PANK4: variants seen among roughly 807,000 people sequenced by gnomAD.
The protein encoded by PANK4 is 4'-phosphopantetheine phosphatase.
PANK4 carries 40 observed loss-of-function variants against 87.9 expected under a neutral mutation model. The observed-to-expected ratio is 0.46, with a 90% CI of 0.35 to 0.59. The LOEUF (loss-of-function observed/expected upper bound fraction) is 0.59, where lower values mean the gene tolerates loss of function less well. PANK4 is among the 20% of genes least tolerant of loss of function. The pLI, the probability that PANK4 is intolerant of heterozygous loss-of-function variation, is 0.00. For synonymous variants in PANK4, 524 were observed against 467.4 expected (o/e 1.12, Z -1.56); for missense variants, 926 against 1,072.3 (o/e 0.86, Z 1.90).
chr1:2,511,490 G>C (rs1187939151), intron 14 of PANK4, 103 bp from the exon 15 acceptor site: 2 of 1,100,888 alleles, frequency 1.8e-6, no homozygotes, highest in African/African-American at 1.5e-5. Context: ...AGTTCTCCCC[G>C]CCCCCGAAGC....
chr1:2,521,139 G>C lies in PANK4; in HGVS notation c.384C>G (p.Tyr128Ter). Reference sequence around the variant, plus strand: ...TCTCTTCGATGAGGTCTTTGAACTTGTAGGCCCCGCCCCCGGTCGCCTGGA... The same window carrying C: ...TCTCTTCGATGAGGTCTTTGAACTTCTAGGCCCCGCCCCCGGTCGCCTGGA... ...KVIQATGGGAYKFKDLIEEKL... is the reference protein window; with the variant it reads ...KVIQATGGGA The change falls in exon 3 of 19, where the codon TAC becomes TAG. Residue 128 changes from tyrosine to a stop codon, truncating the protein, a stop_gained. Coordinates refer to ENST00000378466, the MANE Select transcript of PANK4 (RefSeq NM_018216.4). LOFTEE classifies it high-confidence loss of function. The C allele has an allele frequency of 6.2e-7, 1 of 1,613,874 alleles. No individual in the cohort carries two copies. Among genetic ancestry groups the C allele is most frequent in the Non-Finnish European group, 8.5e-7 (1 of 1,179,948 alleles).
In PANK4 at chr1:2,510,390, CCTGT is replaced by C. The variant is rs1643640853; in HGVS notation, c.1939-237_1939-234del. ...GTTTAGAGCCTGCCCCTGGGACCTG[CCTGT>C]CTGTGAAGTCACAGCCCCAAAGCCT... On this transcript the variant is annotated intron_variant, in intron 16 of 18. Coordinates refer to ENST00000378466, the MANE Select transcript of PANK4 (RefSeq NM_018216.4). This position sits in a 1 kb window ranked among gnomAD's most constrained non-coding sequence, Gnocchi z 4.9. 2 of 531,684 alleles carry C rather than the reference CCTGT, an allele frequency of 3.8e-6. No individual in the cohort carries two copies. Among genetic ancestry groups the C allele is most frequent in the Non-Finnish European group, 3.2e-6 (1 of 314,080 alleles). The allele number at this position is 531,684 out of a possible 1,614,324, so 32.9% of individuals were successfully genotyped here. A position where few individuals can be genotyped will look rare whatever the true frequency, so the allele number is the denominator to read the frequency against.
chr1:2,525,005 T>C (rs1368505219), intron 1 of PANK4, among the ~76,000 whole-genome samples: 1 of 152,096 alleles, frequency 6.6e-6, no homozygotes, highest in Non-Finnish European at 1.5e-5. Flanking sequence ...CACGTTCTCA[T>C]ACCTGGCACC....
chr1:2,511,736 C>A (rs923907938), intron 13 of PANK4, 53 bp from the exon 14 acceptor site: 8 of 1,102,696 alleles, frequency 7.3e-6, no homozygotes, highest in Non-Finnish European at 1.1e-5. Flanking sequence ...AAACCTTCAG[C>A]CACAGTGCTC....
intron 13 of PANK4, among the ~76,000 whole-genome samples, chr1:2,511,983 C>T (rs1190557464): frequency 6.6e-6 from 1 of 152,252 alleles, no homozygotes; most frequent in African/African-American, 2.4e-5. Context: ...GCGTTCTTAA[C>T]ATGCTGCGAT....
chr1:2,510,498 G>A lies in PANK4; in HGVS notation c.1938+180C>T. 1.6e-6 allele frequency: 1 copy of A among 616,382 alleles called. No homozygotes were observed. Among genetic ancestry groups the A allele is most frequent in the Non-Finnish European group, 2.9e-6 (1 of 346,926 alleles). 38.2% of individuals were successfully genotyped at this position (616,382 alleles called of 1,614,324 possible). On this transcript the variant is annotated intron_variant, in intron 16 of 18. Coordinates refer to ENST00000378466, the MANE Select transcript of PANK4 (RefSeq NM_018216.4). This position sits in a 1 kb window ranked among gnomAD's most constrained non-coding sequence, Gnocchi z 4.9. ...ATGGACCCTCAGCCTGAGCCCAGGG[G>A]GCTCGGAGCCTCCACCCCAGCAGAT...
rs775489848 is a variant in PANK4, at chr1:2,519,147, GAGA to G, written c.1028_1030del (p.Phe343del). On this transcript the variant is annotated inframe_deletion, in exon 7 of 19. Coordinates refer to ENST00000378466, the MANE Select transcript of PANK4 (RefSeq NM_018216.4). The surrounding 1 kb of genome is among the most constrained non-coding windows in gnomAD (Gnocchi z 8.3). ...GGAGGGCGGCGCATCCGTTACCTTG[GAGA>G]AGAAGTTGATGCTATAGGTGATGGT... is the stretch of plus-strand genomic sequence containing the variant. 3 of 1,611,472 alleles carry G rather than the reference GAGA, an allele frequency of 1.9e-6. No individual in the cohort carries two copies. Among genetic ancestry groups the G allele is most frequent in the South Asian group, 1.1e-5 (1 of 91,018 alleles).
Position 2,519,138 on chromosome 1 carries a change from G to A in PANK4, c.1035+5C>T, listed in dbSNP as rs939555051. The A allele has an allele frequency of 2.0e-5, 33 of 1,609,872 alleles. No individual in the cohort carries two copies. The highest frequency in any genetic ancestry group is 3.3e-5 in the South Asian group (3 of 90,916). On this transcript the variant is annotated splice_donor_5th_base_variant and intron_variant, in intron 7 of 18. Coordinates refer to ENST00000378466, the MANE Select transcript of PANK4 (RefSeq NM_018216.4). This position sits in a 1 kb window ranked among gnomAD's most constrained non-coding sequence, Gnocchi z 8.3. ...AGAGGCTGGGGAGGGCGGCGCATCC[G>A]TTACCTTGGAGAAGAAGTTGATGCT...
chr1:2,521,986 A>G (rs1487413129), intron 1 of PANK4, 186 bp from the exon 2 acceptor site: 2 of 597,618 alleles, frequency 3.3e-6, no homozygotes, highest in African/African-American at 3.7e-5. Flanking sequence ...AATCAAATCT[A>G]CACTTTTCTT....
At position 2,512,974 on chromosome 1, in the gene PANK4, C is replaced by T. The variant is rs761976235; in HGVS notation, c.1641G>A (p.Ala547=). The change falls in exon 13 of 19, where the codon GCG becomes GCA. Residue 547 remains alanine (A), a synonymous_variant. Transcript: ENST00000378466. The part of the protein sequence containing the change: ...CFPGVVRSLD[A]LGWEERQLAL... The stretch of plus-strand genomic sequence containing the variant: ...CCAGCTGCCGTTCCTCCCAGCCCAG[C>T]GCGTCCAGGGAGCGCACGACCCCGG... 1.9e-5 allele frequency: 30 copies of T among 1,612,266 alleles called. No homozygotes were observed. Among genetic ancestry groups the T allele is most frequent in the East Asian group, 2.2e-5 (1 of 44,886 alleles).
At chr1:2,521,038 G>C in intron 3 of PANK4, 63 bp downstream of exon 3, 1 of 1,539,544 alleles carries the variant, frequency 6.5e-7, no homozygotes, top group African/African-American at 1.4e-5. Flanking sequence ...ACGCGGCTCT[G>C]GGACACCCAG....
chr1:2,521,873 C>T (rs747135732), intron 1 of PANK4, 73 bp from the exon 2 acceptor site: 1 of 1,151,836 alleles, frequency 8.7e-7, no homozygotes, highest in Non-Finnish European at 1.3e-6. Context: ...ATGCCCCACA[C>T]TCTCTGGGTG....
chr1:2,514,016 C>T lies in PANK4; in HGVS notation c.1561G>A (p.Asp521Asn). 6.2e-7 allele frequency: 1 copy of T among 1,612,200 alleles called. No homozygotes were observed. The highest frequency in any genetic ancestry group is 8.5e-7 in the Non-Finnish European group (1 of 1,179,274). ...EHCLNEFNFP[D>N]PYSKVKQREN... ...ACTGCACTTACTTTGGAGTAGGGAT[C>T]CGGGAAGTTGAACTCGTTCAGACAG... Residue 521 changes from aspartate to asparagine, a missense_variant, in exon 12 of 19, where the codon GAT (aspartate) becomes AAT (asparagine). By Grantham distance (23) the Asp-to-Asn change is conservative (BLOSUM62 1). Coordinates refer to ENST00000378466, the MANE Select transcript of PANK4 (RefSeq NM_018216.4).
rs1643855360 is a variant in PANK4 at position 2,519,748 on chromosome 1, C to T, written c.853+53G>A. The T allele has an allele frequency of 3.3e-6, 5 of 1,495,398 alleles. No individual in the cohort carries two copies. The highest frequency in any genetic ancestry group is 1.3e-5 in the South Asian group (1 of 79,674). 92.6% of individuals were successfully genotyped at this position (1,495,398 alleles called of 1,614,324 possible). On this transcript the variant is annotated intron_variant, in intron 6 of 18. Coordinates refer to ENST00000378466, the MANE Select transcript of PANK4 (RefSeq NM_018216.4). This position sits in a 1 kb window ranked among gnomAD's most constrained non-coding sequence, Gnocchi z 8.3. ...GTGGGGGAAGCTCCTGTCCGTGAGACCCCAAGTGTCCCCACCATCCTGCTC... is the reference window on the plus strand; with the variant it reads ...GTGGGGGAAGCTCCTGTCCGTGAGATCCCAAGTGTCCCCACCATCCTGCTC...
At chr1:2,521,907 G>C in intron 1 of PANK4, 107 bp from the exon 2 acceptor site, 2 of 852,116 alleles carry the variant, frequency 2.3e-6, no homozygotes, top group South Asian at 2.7e-5. Flanking sequence ...AGTCTCTGTA[G>C]ATGAGGGGTT....
At position 2,520,814 on chromosome 1, in the gene PANK4, T is replaced by A; in HGVS notation, c.515A>T (p.Asp172Val). 6.2e-7 allele frequency: 1 copy of A among 1,610,282 alleles called. No homozygotes were observed. Residue 172 changes from aspartate to valine, a missense_variant, in exon 4 of 19, where the codon GAT becomes GTT. Transcript: ENST00000378466. The surrounding 1 kb of genome is among the most constrained non-coding windows in gnomAD (Gnocchi z 6.2). ...CTGGAACCGGAACTCAGGGTCGGAA[T>A]CCTTCTGGTACACGAAGGCCTCATG... ...IPHEAFVYQKDSDPEFRFQTN... is the reference protein window; with the variant it reads ...IPHEAFVYQKVSDPEFRFQTN...
At position 2,508,561 on chromosome 1, in the gene PANK4, C is replaced by T. The variant is rs375602712; in HGVS notation, c.*286G>A. 6 of 175,742 alleles carry T rather than the reference C, an allele frequency of 3.4e-5. No individual in the cohort carries two copies. In the South Asian group the frequency reaches 6.0e-4, roughly 18 times the overall value. 10.9% of individuals were successfully genotyped at this position (175,742 alleles called of 1,614,324 possible). Reference sequence around the variant, plus strand: ...CCTCTTTTAAAAACTCTATTTGGTGCGTGCCCACGGTGCTGCGTCCCGTCA... The same window carrying T: ...CCTCTTTTAAAAACTCTATTTGGTGTGTGCCCACGGTGCTGCGTCCCGTCA... On this transcript the variant is annotated 3_prime_UTR_variant, in exon 19 of 19. Coordinates refer to ENST00000378466, the MANE Select transcript of PANK4 (RefSeq NM_018216.4). The surrounding 1 kb of genome is among the most constrained non-coding windows in gnomAD (Gnocchi z 5.1).
Position 2,510,277 on chromosome 1 carries a change from A to G in PANK4, c.1939-120T>C, listed in dbSNP as rs1454584907. Reference sequence around the variant, plus strand: ...GGTGCTGTGCCCAGCGGGCCTGGCCAGCCACCTGCTGCTGAGGAGCAGGGA... The same window carrying G: ...GGTGCTGTGCCCAGCGGGCCTGGCCGGCCACCTGCTGCTGAGGAGCAGGGA... On this transcript the variant is annotated intron_variant, in intron 16 of 18. Transcript: ENST00000378466. This position sits in a 1 kb window ranked among gnomAD's most constrained non-coding sequence, Gnocchi z 4.9. 1.4e-6 allele frequency: 1 copy of G among 704,862 alleles called. No homozygotes were observed. The highest frequency in any genetic ancestry group is 2.6e-6 in the Non-Finnish European group (1 of 389,316). The allele number at this position is 704,862 out of a possible 1,614,324, so 43.7% of individuals were successfully genotyped here.
At chr1:2,521,821 G>A (rs533628290) in intron 1 of PANK4, 21 bp from the exon 2 acceptor site, 76 of 1,603,874 alleles carry the variant, frequency 4.7e-5, no homozygotes, top group Admixed American at 3.3e-5. Context: ...GACACAAACC[G>A]GGCAGGATTC....
Sources: allele counts gnomAD v4.1 joint callset (sites outside exome capture counted in the v4.1 genomes callset), GRCh38; gene constraint gnomAD v4.1.1; non-coding constraint Gnocchi (gnomAD v3.1); transcripts MANE v1.5; gene names NCBI Gene and HGNC (gene_info 2026-07-23, HGNC 2026-07-21).